Variants in ADAMTS9 observed in about 807,000 individuals in gnomAD.
ADAMTS9 encodes the protein A disintegrin and metalloproteinase with thrombospondin motifs 9.
In ADAMTS9, 107 loss-of-function variants were observed where a neutral mutation model predicts 257.1. The ratio of observed to expected loss-of-function variants is 0.42; its 90% CI spans 0.36 to 0.49. The LOEUF (loss-of-function observed/expected upper bound fraction) is 0.49, where lower values mean the gene tolerates loss of function less well. Ranked by LOEUF, ADAMTS9 falls within the 20% of genes least tolerant of loss-of-function variation. The pLI is 0.03. For synonymous variants in ADAMTS9, 982 were observed against 880.9 expected (o/e 1.11, Z -2.03); for missense variants, 2,353 against 2,469.1 (o/e 0.95, Z 1.00).
Position 64,603,919 on chromosome 3 carries a change from T to A in ADAMTS9, c.3747+3A>T. On this transcript the variant is annotated splice_donor_region_variant and intron_variant, in intron 25 of 39. Coordinates refer to ENST00000498707, the MANE Select transcript of ADAMTS9 (RefSeq NM_182920.2). Reference sequence around the variant, plus strand: ...CCTAATTCCAAATAATCCACTGGCTTACAGAGCTCCAGTCCAAGGCCTTCC... The same window carrying A: ...CCTAATTCCAAATAATCCACTGGCTAACAGAGCTCCAGTCCAAGGCCTTCC... 1 of 1,613,870 alleles carries A rather than the reference T, an allele frequency of 6.2e-7. No homozygotes were observed. The highest frequency in any genetic ancestry group is 8.5e-7 in the Non-Finnish European group (1 of 1,179,896).
chr3:64,575,622 A>G (rs2083821683), intron 28 of ADAMTS9, among the ~76,000 whole-genome samples: 1 of 152,122 alleles, frequency 6.6e-6, no homozygotes, highest in Non-Finnish European at 1.5e-5. Context: ...AAAATGTTGC[A>G]AAGGTTTGAG....
chr3:64,533,345 A>G, intron 37 of ADAMTS9, 75 bp from the exon 38 acceptor site: 1 of 1,105,584 alleles, frequency 9.0e-7, no homozygotes, highest in Non-Finnish European at 1.4e-6. Flanking sequence ...AAGGTGATAC[A>G]ATAAAAGGTA....
chr3:64,570,505 A>G (rs1007528853), intron 28 of ADAMTS9, among the ~76,000 whole-genome samples: 5 of 152,024 alleles, frequency 3.3e-5, no homozygotes, highest in African/African-American at 1.2e-4. Context: ...CAAAACATTT[A>G]CTTTGCCTGA....
chr3:64,571,949 C>T (rs903637489), intron 28 of ADAMTS9, among the ~76,000 whole-genome samples: 1 of 152,184 alleles, frequency 6.6e-6, no homozygotes, highest in African/African-American at 2.4e-5. Context: ...GTCACTGAGA[C>T]ATAATCGTCA....
intron 30 of ADAMTS9, among the ~76,000 whole-genome samples, chr3:64,560,646 G>C (rs2083404349): frequency 6.6e-6 from 1 of 152,102 alleles, no homozygotes; most frequent in South Asian, 2.1e-4. Flanking sequence ...TGCTCACCTT[G>C]TCTGGTGGTT....
In ADAMTS9 at chr3:64,686,704, G is replaced by A. The variant is rs190048822; in HGVS notation, c.380C>T (p.Thr127Ile). The change falls in exon 2 of 40, where the codon ACC (threonine) becomes ATC (isoleucine). Residue 127 changes from threonine (T) to isoleucine (I), a missense_variant. Thr to Ile is a moderately conservative substitution (Grantham distance 89). Coordinates refer to ENST00000498707, the MANE Select transcript of ADAMTS9 (RefSeq NM_182920.2). This position sits in a 1 kb window ranked among gnomAD's most constrained non-coding sequence, Gnocchi z 4.6. The part of the protein sequence containing the change: ...AGFIAPLFTV[T>I]LLGTPGVNQT... ...ATTCACCCCGGGCGTCCCGAGGAGG[G>A]TGACAGTGAACAGTGGAGCGATAAA... 2.0e-4 allele frequency: 319 copies of A among 1,614,110 alleles called. No individual in the cohort carries two copies. Among genetic ancestry groups the A allele is most frequent in the Non-Finnish European group, 4.4e-5 (52 of 1,180,050 alleles).
At chr3:64,595,798 TC>T (rs58460648) in intron 27 of ADAMTS9, among the ~76,000 whole-genome samples, 49,814 of 151,890 alleles carry the variant, frequency 0.33, 9,397 homozygotes, top group East Asian at 0.52. Flanking sequence ...TTTGTCTTTT[TC>T]CCCCCCTTGG....
At position 64,601,989 on chromosome 3, in the gene ADAMTS9, G is replaced by C. The variant is rs1444260792; in HGVS notation, c.3972C>G (p.Thr1324=). ...YRPRSASPSR[T]HVLGGNQWRT... ...TCCACTGGTTTCCACCGAGCACATGGGTGCGGCTGGGGCTGGCGCTCCGGG... is the reference window on the plus strand; with the variant it reads ...TCCACTGGTTTCCACCGAGCACATGCGTGCGGCTGGGGCTGGCGCTCCGGG... The change falls in exon 26 of 40, where the codon ACC becomes ACG. Residue 1324 remains threonine (T), a synonymous_variant. Coordinates refer to ENST00000498707, the MANE Select transcript of ADAMTS9 (RefSeq NM_182920.2). 2 of 1,613,772 alleles carry C rather than the reference G, an allele frequency of 1.2e-6. No individual in the cohort carries two copies. Among genetic ancestry groups the C allele is most frequent in the Non-Finnish European group, 8.5e-7 (1 of 1,179,796 alleles).
chr3:64,539,195 G>A lies in ADAMTS9; in HGVS notation c.5613+8C>T, dbSNP rs773904324. 10 of 1,610,698 alleles carry A rather than the reference G, an allele frequency of 6.2e-6. No individual in the cohort carries two copies. In the Admixed American group the frequency reaches 1.5e-4, roughly 24 times the overall value. ...TCCCTGGCAAGGGGGAAGGCACCAA[G>A]GACATACCTGTGGGCACTTGGCAGC... On this transcript the variant is annotated splice_region_variant and intron_variant, in intron 37 of 39. Transcript: ENST00000498707.
Position 64,527,998 on chromosome 3 carries a change from C to A in ADAMTS9, c.5718+5168G>T, listed in dbSNP as rs185008210. On this transcript the variant is annotated intron_variant, in intron 38 of 39. Transcript: ENST00000498707. ...TGAATCCATCTCTTCTATGGTAACA[C>A]AACTTTCGTTATTTTTTAACTTCAA... Among the ~76,000 whole-genome samples the A allele has an allele frequency of 3.7e-4, 57 of 152,314 alleles. 1 individual carries two copies. The highest frequency in any genetic ancestry group is 5.7e-4 in the Non-Finnish European group (39 of 68,036).
intron 38 of ADAMTS9, 139 bp from the exon 39 acceptor site, chr3:64,522,399 G>C (rs939669148): frequency 1.4e-5 from 9 of 643,914 alleles, no homozygotes; most frequent in African/African-American, 1.1e-4. Flanking sequence ...ACTCACCATG[G>C]TCTAAAGCAG....
intron 16 of ADAMTS9, among the ~76,000 whole-genome samples, chr3:64,630,355 G>T (rs1700337399): frequency 6.6e-6 from 1 of 152,156 alleles, no homozygotes; most frequent in Admixed American, 6.5e-5. Context: ...CTTGAGGCCA[G>T]GAGTTCAAGC....
intron 30 of ADAMTS9, 139 bp downstream of exon 30, chr3:64,561,439 G>T: frequency 1.1e-6 from 1 of 934,738 alleles, no homozygotes; most frequent in Non-Finnish European, 1.5e-6. Flanking sequence ...GCGCGAGTCT[G>T]ACAGTGAACC....
chr3:64,543,519 T>C (rs1288827501), intron 32 of ADAMTS9, among the ~76,000 whole-genome samples: 1 of 152,230 alleles, frequency 6.6e-6, no homozygotes, highest in East Asian at 1.9e-4. Context: ...ACAAAAACCA[T>C]ATGATTATCT....
intron 29 of ADAMTS9, among the ~76,000 whole-genome samples, chr3:64,567,063 T>G (rs1336527915): frequency 6.6e-6 from 1 of 152,124 alleles, no homozygotes; most frequent in Non-Finnish European, 1.5e-5. Context: ...GATAAAGGCC[T>G]TGAGAGGCAT....
chr3:64,645,155 T>C (rs1700755556), intron 11 of ADAMTS9, among the ~76,000 whole-genome samples: 1 of 152,110 alleles, frequency 6.6e-6, no homozygotes, highest in Admixed American at 6.6e-5. Flanking sequence ...AACAAAACAT[T>C]AAGTGGCTGG....
chr3:64,656,961 TAAAAG>T (rs1438987424), intron 4 of ADAMTS9, among the ~76,000 whole-genome samples: 1 of 152,086 alleles, frequency 6.6e-6, no homozygotes, highest in Non-Finnish European at 1.5e-5. Context: ...GCTCGTCTAT[TAAAAG>T]AAAAGTTATG....
At position 64,654,246 on chromosome 3, in the gene ADAMTS9, C is replaced by G. The variant is rs534833280; in HGVS notation, c.1316+107G>C. 3 of 1,107,040 alleles carry G rather than the reference C, an allele frequency of 2.7e-6. No homozygotes were observed. In the East Asian group the frequency reaches 7.1e-5, roughly 26 times the overall value. 68.6% of individuals were successfully genotyped at this position (1,107,040 alleles called of 1,614,324 possible). Reference sequence around the variant, plus strand: ...TCAACCCTGCAACTCTACTATGACTCGGGAAGTCTCTTACACACTCGAAAG... The same window carrying G: ...TCAACCCTGCAACTCTACTATGACTGGGGAAGTCTCTTACACACTCGAAAG... On this transcript the variant is annotated intron_variant, in intron 8 of 39. Transcript: ENST00000498707.
intron 38 of ADAMTS9, among the ~76,000 whole-genome samples, chr3:64,525,526 C>A (rs2082899596): frequency 6.6e-6 from 1 of 151,964 alleles, no homozygotes; most frequent in South Asian, 2.1e-4. Flanking sequence ...CTAAGAAAGC[C>A]TCTTGAAAAC....
Sources: gnomAD v4.1 joint callset for allele counts (sites outside exome capture counted in the v4.1 genomes callset) on GRCh38, gnomAD v4.1.1 for gene constraint, Gnocchi (gnomAD v3.1) non-coding constraint, MANE v1.5 for transcripts, NCBI Gene and HGNC (gene_info 2026-07-23, HGNC 2026-07-21) for gene names.